The following CCDC171 variants were observed in gnomAD, a reference collection of about 807,000 sequenced individuals.
CCDC171 encodes the protein coiled-coil domain-containing protein 171.
In CCDC171, 177 loss-of-function variants were observed where a neutral mutation model predicts 168.2. The ratio of observed to expected loss-of-function variants is 1.05; its 90% CI spans 0.93 to 1.19. The LOEUF is 1.19. CCDC171 is among the 50% of genes most tolerant of loss of function. The probability of loss-of-function intolerance (pLI) is 0.00; values close to 1 mark genes in which losing one functional copy is unlikely to be tolerated. For missense variants in CCDC171, 1,991 were observed against 1,539.0 expected (o/e 1.29, Z -4.91); for synonymous variants, 687 against 540.8 (o/e 1.27, Z -3.75).
the CCDC171 span, among the ~76,000 whole-genome samples, chr9:16,093,719 AT>A: frequency 6.6e-6 from 1 of 152,180 alleles, no homozygotes; most frequent in East Asian, 1.9e-4. Context: ...CTAGCCAAAA[AT>A]TATGTCTCTG....
intron 2 of CCDC171, among the ~76,000 whole-genome samples, chr9:15,570,040 T>G: frequency 6.6e-6 from 1 of 152,060 alleles, no homozygotes; most frequent in Non-Finnish European, 1.5e-5. Context: ...GTGTGATCTC[T>G]GCTCACTGCA....
chr9:15,909,089 C>G (rs1186380594), intron 24 of CCDC171, among the ~76,000 whole-genome samples: 1 of 152,110 alleles, frequency 6.6e-6, no homozygotes, highest in Non-Finnish European at 1.5e-5. Context: ...TTATATAAGT[C>G]TTTAAAAATA....
At chr9:15,568,150 T>C (rs184808754) in intron 2 of CCDC171, among the ~76,000 whole-genome samples, 1 of 152,300 alleles carries the variant, frequency 6.6e-6, no homozygotes, top group East Asian at 1.9e-4. Context: ...TTTCTAGAAT[T>C]TTCTTTCAGA....
chr9:15,615,037 A>G (rs2043981895), intron 6 of CCDC171, among the ~76,000 whole-genome samples: 1 of 152,216 alleles, frequency 6.6e-6, no homozygotes, highest in Admixed American at 6.5e-5. Context: ...TCTTGATAGC[A>G]TAATCTTGAT....
At chr9:15,952,814 A>G (rs1829356580) in intron 25 of CCDC171, among the ~76,000 whole-genome samples, 1 of 152,202 alleles carries the variant, frequency 6.6e-6, no homozygotes, top group South Asian at 2.1e-4. Context: ...TAATCCATTA[A>G]CATGAGATAT....
chr9:15,694,568 C>T (rs1294622522), intron 10 of CCDC171, among the ~76,000 whole-genome samples: 2 of 152,308 alleles, frequency 1.3e-5, no homozygotes, highest in East Asian at 3.9e-4. Context: ...CTGAAATCCA[C>T]CCAGTTCATC....
chr9:16,071,788 T>A, the CCDC171 span, among the ~76,000 whole-genome samples: 3 of 152,316 alleles, frequency 2.0e-5, no homozygotes, highest in African/African-American at 4.8e-5. Flanking sequence ...TGTTGTTTTT[T>A]GCTTCATCCA....
In CCDC171 at chr9:15,625,143, G is replaced by T. The variant is rs867649222; in HGVS notation, c.822+1730G>T. Among the ~76,000 whole-genome samples the T allele has an allele frequency of 2.0e-5, 3 of 152,130 alleles. No individual in the cohort carries two copies. In the East Asian group the frequency reaches 5.8e-4, roughly 29 times the overall value. On this transcript the variant is annotated intron_variant, in intron 7 of 25. Coordinates refer to ENST00000380701, the MANE Select transcript of CCDC171 (RefSeq NM_173550.4). The stretch of plus-strand genomic sequence containing the variant: ...TGAGAAGTGTCTGTTCATATCCTTC[G>T]CCCACTTTTTGATGGGGTTGTTTGA...
chr9:15,984,438 GTATA>G (rs765557276), intron 3 of CCDC171, among the ~76,000 whole-genome samples: 3 of 150,554 alleles, frequency 2.0e-5, no homozygotes, highest in East Asian at 3.9e-4. Flanking sequence ...ATGTGTGTGT[GTATA>G]TATATATATA....
chr9:15,651,877 G>C (rs773243503), intron 7 of CCDC171, among the ~76,000 whole-genome samples: 1 of 152,106 alleles, frequency 6.6e-6, no homozygotes, highest in Non-Finnish European at 1.5e-5. Flanking sequence ...TTTGCTATCT[G>C]AGAATCCATT....
chr9:15,803,153 A>G (rs1321041628), intron 21 of CCDC171, among the ~76,000 whole-genome samples: 1 of 152,068 alleles, frequency 6.6e-6, no homozygotes, highest in East Asian at 1.9e-4. Flanking sequence ...TAAATGCTGG[A>G]TATTAGACCT....
At chr9:15,832,375 C>G (rs1431135581) in intron 21 of CCDC171, among the ~76,000 whole-genome samples, 1 of 152,150 alleles carries the variant, frequency 6.6e-6, no homozygotes, top group Admixed American at 6.5e-5. Context: ...AGAAATGTGT[C>G]AGACAATTTT....
chr9:15,657,374 T>C, intron 8 of CCDC171, 155 bp downstream of exon 8: 1 of 495,670 alleles, frequency 2.0e-6, no homozygotes, highest in Non-Finnish European at 3.8e-6. Context: ...TAGGATACAG[T>C]TGAGATATGC....
chr9:15,986,683 C>G (rs1481049935), intron 3 of CCDC171, among the ~76,000 whole-genome samples: 3 of 152,172 alleles, frequency 2.0e-5, no homozygotes, highest in African/African-American at 7.2e-5. Flanking sequence ...AGACATGGCA[C>G]TCTGTAAAAG....
At chr9:15,963,280 A>G (rs1230774321) in intron 25 of CCDC171, among the ~76,000 whole-genome samples, 1 of 152,200 alleles carries the variant, frequency 6.6e-6, no homozygotes. Context: ...ATGTATACAT[A>G]TGTAACAAAC....
chr9:15,772,338 A>T (rs1189417631), intron 18 of CCDC171, among the ~76,000 whole-genome samples: 1 of 152,124 alleles, frequency 6.6e-6, no homozygotes, highest in Non-Finnish European at 1.5e-5. Context: ...CAGTAAGACA[A>T]ATTCGCTTAC....
intron 25 of CCDC171, among the ~76,000 whole-genome samples, chr9:15,947,949 A>G (rs980610261): frequency 1.3e-5 from 2 of 151,562 alleles, no homozygotes; most frequent in Non-Finnish European, 2.9e-5. Flanking sequence ...AGCATTGGGT[A>G]TATCTCCCAA....
At chr9:15,839,161 C>G (rs561298017) in intron 21 of CCDC171, among the ~76,000 whole-genome samples, 13 of 152,238 alleles carry the variant, frequency 8.5e-5, no homozygotes, top group African/African-American at 3.1e-4. Context: ...TACTTTCACA[C>G]AAGGGATCTT....
chr9:16,075,318 T>C, the CCDC171 span, among the ~76,000 whole-genome samples: 1 of 152,226 alleles, frequency 6.6e-6, no homozygotes, highest in African/African-American at 2.4e-5. Context: ...TTTCTTGTAA[T>C]TAAAATCACT....
Sources: gnomAD v4.1 joint callset for allele counts (sites outside exome capture counted in the v4.1 genomes callset) on GRCh38, gnomAD v4.1.1 for gene constraint, MANE v1.5 for transcripts, NCBI Gene and HGNC (gene_info 2026-07-23, HGNC 2026-07-21) for gene names.